KCNH7: variants seen among roughly 807,000 people sequenced by gnomAD.
KCNH7 encodes the protein potassium voltage-gated channel subfamily H member 7.
In KCNH7, 49 loss-of-function variants were observed where a neutral mutation model predicts 120.8. The ratio of observed to expected loss-of-function variants is 0.41; its 90% CI spans 0.32 to 0.51. The LOEUF (loss-of-function observed/expected upper bound fraction) is 0.51, where lower values mean the gene tolerates loss of function less well. Ranked by LOEUF, KCNH7 falls within the 20% of genes least tolerant of loss-of-function variation. The pLI is 0.38. For synonymous variants in KCNH7, 547 were observed against 516.1 expected (o/e 1.06, Z -0.81); for missense variants, 1,097 against 1,446.6 (o/e 0.76, Z 3.92).
intron 2 of KCNH7, among the ~76,000 whole-genome samples, chr2:162,775,600 G>A (rs1372532192): frequency 6.6e-6 from 1 of 152,072 alleles, no homozygotes; most frequent in Admixed American, 6.6e-5. Flanking sequence ...AGAATGCAAA[G>A]AAAAGGAAAA....
At chr2:162,439,488 C>T (rs867267266) in intron 7 of KCNH7, among the ~76,000 whole-genome samples, 1 of 152,124 alleles carries the variant, frequency 6.6e-6, no homozygotes, top group African/African-American at 2.4e-5. Context: ...CAAGTCAAGA[C>T]TTCACCCACC....
chr2:162,762,723 T>C (rs1180610607), intron 2 of KCNH7, among the ~76,000 whole-genome samples: 1 of 152,122 alleles, frequency 6.6e-6, no homozygotes, highest in East Asian at 1.9e-4. Flanking sequence ...ATATGCCTCA[T>C]ATTCATTTTT....
intron 2 of KCNH7, among the ~76,000 whole-genome samples, chr2:162,570,937 T>A (rs1693449977): frequency 6.6e-6 from 1 of 152,090 alleles, no homozygotes; most frequent in South Asian, 2.1e-4. Context: ...ACAGCCAATA[T>A]CATACTGAAT....
intron 6 of KCNH7, among the ~76,000 whole-genome samples, chr2:162,464,149 A>G (rs1469790328): frequency 6.6e-6 from 1 of 152,026 alleles, no homozygotes; most frequent in East Asian, 1.9e-4. Flanking sequence ...AGAAATAAAT[A>G]TGGCATTCTT....
intron 2 of KCNH7, among the ~76,000 whole-genome samples, chr2:162,752,936 A>C (rs1688626807): frequency 1.1e-5 from 1 of 93,734 alleles, no homozygotes; most frequent in African/African-American, 6.7e-5. Context: ...AAGAAAAGAA[A>C]AGAAAAGAAA....
intron 4 of KCNH7, among the ~76,000 whole-genome samples, chr2:162,515,411 C>A (rs1004405530): frequency 6.6e-6 from 1 of 151,762 alleles, no homozygotes; most frequent in Admixed American, 6.6e-5. Flanking sequence ...AACTACTCAG[C>A]ACCACTGTCC....
intron 2 of KCNH7, among the ~76,000 whole-genome samples, chr2:162,831,685 C>A (rs1467276459): frequency 6.6e-6 from 1 of 152,160 alleles, no homozygotes; most frequent in African/African-American, 2.4e-5. Flanking sequence ...AACCAACCAA[C>A]AAACCAACCA....
At chr2:162,782,172 G>A (rs563361049) in intron 2 of KCNH7, among the ~76,000 whole-genome samples, 1 of 152,172 alleles carries the variant, frequency 6.6e-6, no homozygotes, top group Non-Finnish European at 1.5e-5. Flanking sequence ...ATACATGGCA[G>A]TAAACAAAAC....
At chr2:162,544,091 T>A (rs1692400161) in intron 2 of KCNH7, among the ~76,000 whole-genome samples, 1 of 152,122 alleles carries the variant, frequency 6.6e-6, no homozygotes, top group South Asian at 2.1e-4. Context: ...TTTTATCATG[T>A]AATAGGTAAA....
At chr2:162,672,672 T>C (rs994487686) in intron 2 of KCNH7, among the ~76,000 whole-genome samples, 1 of 152,046 alleles carries the variant, frequency 6.6e-6, no homozygotes, top group Non-Finnish European at 1.5e-5. Context: ...GCGATTACTG[T>C]ATGCTGAGCA....
intron 13 of KCNH7, among the ~76,000 whole-genome samples, chr2:162,384,061 C>T (rs1460046168): frequency 6.6e-6 from 1 of 151,692 alleles, no homozygotes; most frequent in Non-Finnish European, 1.5e-5. Flanking sequence ...TTAAATTTTC[C>T]TGAATTTCTC....
chr2:162,681,771 T>C (rs953166118), intron 2 of KCNH7, among the ~76,000 whole-genome samples: 2 of 151,486 alleles, frequency 1.3e-5, no homozygotes, highest in Admixed American at 6.6e-5. Context: ...CGTGTTTAAA[T>C]TACATAAAGA....
chr2:162,769,523 GC>G (rs1682956898), intron 2 of KCNH7, among the ~76,000 whole-genome samples: 2 of 151,984 alleles, frequency 1.3e-5, no homozygotes, highest in African/African-American at 4.8e-5. Flanking sequence ...GCTTATAACA[GC>G]CTTCTATAGA....
At chr2:162,836,120 G>A (rs888442024) in intron 2 of KCNH7, among the ~76,000 whole-genome samples, 2 of 152,184 alleles carry the variant, frequency 1.3e-5, no homozygotes, top group African/African-American at 4.8e-5. Flanking sequence ...AATAGTTTTA[G>A]TTTTAGATAT....
chr2:162,468,939 C>A (rs1010960093), intron 6 of KCNH7, among the ~76,000 whole-genome samples: 6 of 152,018 alleles, frequency 3.9e-5, no homozygotes, highest in Non-Finnish European at 7.4e-5. Flanking sequence ...TAACCTCGAA[C>A]TTCCAGGCCC....
intron 2 of KCNH7, among the ~76,000 whole-genome samples, chr2:162,541,627 G>A (rs1374000717): frequency 6.6e-6 from 1 of 152,070 alleles, no homozygotes; most frequent in Non-Finnish European, 1.5e-5. Context: ...TTTATAAATG[G>A]GAGCAGAATG....
chr2:162,684,707 G>A (rs537900929), intron 2 of KCNH7, among the ~76,000 whole-genome samples: 1 of 152,254 alleles, frequency 6.6e-6, no homozygotes, highest in Admixed American at 6.5e-5. Flanking sequence ...AACAGATGCT[G>A]GAGAGGATGT....
chr2:162,673,995 T>C (rs986174840), intron 2 of KCNH7, among the ~76,000 whole-genome samples: 2 of 151,818 alleles, frequency 1.3e-5, no homozygotes, highest in Non-Finnish European at 2.9e-5. Context: ...ATCTTAAAGA[T>C]TGGAAACAAG....
intron 9 of KCNH7, among the ~76,000 whole-genome samples, chr2:162,408,979 G>A (rs1284009770): frequency 1.3e-5 from 2 of 151,668 alleles, no homozygotes; most frequent in African/African-American, 2.4e-5. Flanking sequence ...AAAGAAATAT[G>A]TATACTCAAT....
Sources: allele counts gnomAD v4.1 joint callset (sites outside exome capture counted in the v4.1 genomes callset), GRCh38; gene constraint gnomAD v4.1.1; transcripts MANE v1.5; gene names NCBI Gene and HGNC (gene_info 2026-07-23, HGNC 2026-07-21).